The following FLI1 variants were observed in gnomAD, a reference collection of about 807,000 sequenced individuals.
FLI1 encodes the protein Friend leukemia integration 1 transcription factor.
A neutral mutation model predicts 53.1 loss-of-function variants in FLI1; 13 were observed. The observed-to-expected ratio is 0.24, with a 90% CI of 0.16 to 0.39. FLI1 has a LOEUF of 0.39. Ranked by LOEUF, FLI1 falls within the 10% of genes least tolerant of loss-of-function variation. The probability of loss-of-function intolerance (pLI) is 1.00; values close to 1 mark genes in which losing one functional copy is unlikely to be tolerated. For missense variants in FLI1, 424 were observed against 600.5 expected (o/e 0.71, Z 3.07); for synonymous variants, 244 against 236.7 (o/e 1.03, Z -0.28).
chr11:128,793,082 C>T (rs1043195422), intron 5 of FLI1, among the ~76,000 whole-genome samples: 3 of 152,116 alleles, frequency 2.0e-5, no homozygotes, highest in African/African-American at 4.8e-5. Flanking sequence ...TGCACCACTG[C>T]ACTCCAGCCT....
At chr11:128,809,451 G>T (rs1257878035) in intron 8 of FLI1, among the ~76,000 whole-genome samples, 1 of 152,194 alleles carries the variant, frequency 6.6e-6, no homozygotes, top group African/African-American at 2.4e-5. Context: ...TGTGCACTTA[G>T]GTGTAGATGA....
intron 1 of FLI1, among the ~76,000 whole-genome samples, chr11:128,752,383 G>A (rs774284589): frequency 2.6e-5 from 4 of 152,180 alleles, no homozygotes; most frequent in Non-Finnish European, 5.9e-5. Flanking sequence ...ATCAGGTACT[G>A]ATATTATCCC....
At chr11:128,753,428 A>G (rs932718793) in intron 1 of FLI1, among the ~76,000 whole-genome samples, 5 of 152,172 alleles carry the variant, frequency 3.3e-5, no homozygotes, top group Non-Finnish European at 7.4e-5. Flanking sequence ...GGAGAAGCAA[A>G]GTCATGAGAA....
intron 1 of FLI1, among the ~76,000 whole-genome samples, chr11:128,749,235 G>T (rs565744424): frequency 6.6e-6 from 1 of 152,170 alleles, no homozygotes; most frequent in African/African-American, 2.4e-5. Context: ...ATGGGTTTTC[G>T]GTTGCTGAGT....
rs747086030 is a variant in FLI1, at chr11:128,781,993, G to A, written c.625G>A (p.Asp209Asn). The A allele has an allele frequency of 1.3e-5, 21 of 1,613,676 alleles. No individual in the cohort carries two copies. Among genetic ancestry groups the A allele is most frequent in the East Asian group, 2.2e-5 (1 of 44,894 alleles). Reference sequence around the variant, plus strand: ...GGCCTATAATACAACCTCCCACACCGACCAATCCTCACGATTGAGTGTCAA... The same window carrying A: ...GGCCTATAATACAACCTCCCACACCAACCAATCCTCACGATTGAGTGTCAA... The part of the protein sequence containing the change: ...LLAYNTTSHT[D>N]QSSRLSVKED... The change falls in exon 5 of 9, where the codon GAC becomes AAC. Residue 209 changes from aspartate to asparagine, a missense_variant. By Grantham distance (23) the Asp-to-Asn change is conservative. This residue lies in a region of FLI1 where 114 missense variants were observed against 117.9 expected (regional missense o/e 0.97). Transcript: ENST00000527786.
intron 1 of FLI1, among the ~76,000 whole-genome samples, chr11:128,701,679 A>C (rs571242024): frequency 6.6e-6 from 1 of 152,354 alleles, no homozygotes; most frequent in East Asian, 1.9e-4. Flanking sequence ...AGAATTTTTC[A>C]AATCACCTCA....
At chr11:128,806,678 A>G (rs1942791384) in intron 6 of FLI1, 1 of 152,360 alleles carries the variant, frequency 6.6e-6, no homozygotes, top group Non-Finnish European at 1.5e-5. Flanking sequence ...GTGATGCAGA[A>G]GTGATCATGG....
In FLI1 at chr11:128,720,119, G is replaced by T. The variant is rs556305420; in HGVS notation, c.18+25843G>T. On this transcript the variant is annotated intron_variant, in intron 1 of 8. Coordinates refer to ENST00000527786, the MANE Select transcript of FLI1 (RefSeq NM_002017.5). ...TGCCCTTCCTTCCGGTCTTTATAAT[G>T]CAAATATATAGACATATATGTATTA... is the stretch of plus-strand genomic sequence containing the variant. 4.6e-5 allele frequency among the ~76,000 whole-genome samples: 7 copies of T among 152,234 alleles called. No homozygotes were observed. In the South Asian group the frequency reaches 1.0e-3, roughly 23 times the overall value.
rs949980823 is a variant in FLI1 at position 128,721,077 on chromosome 11, T to C, written c.18+26801T>C. Reference sequence around the variant, plus strand: ...TCCAGAGAAGCTTCTGGAGAATCTGTCCTTGCCAACTAGGGGCTGGCAAGT... The same window carrying C: ...TCCAGAGAAGCTTCTGGAGAATCTGCCCTTGCCAACTAGGGGCTGGCAAGT... On this transcript the variant is annotated intron_variant, in intron 1 of 8. Transcript: ENST00000527786. 8.5e-5 allele frequency among the ~76,000 whole-genome samples: 13 copies of C among 152,220 alleles called. No individual in the cohort carries two copies. The East Asian group carries it at 2.5e-3, about 29-fold the overall frequency.
intron 1 of FLI1, among the ~76,000 whole-genome samples, chr11:128,736,514 G>A (rs1033605366): frequency 2.6e-5 from 4 of 152,222 alleles, no homozygotes; most frequent in African/African-American, 7.2e-5. Flanking sequence ...GTAGGAACCT[G>A]GAAAGATTTC....
intron 1 of FLI1, among the ~76,000 whole-genome samples, chr11:128,731,773 C>T (rs538244312): frequency 3.9e-5 from 6 of 151,950 alleles, no homozygotes; most frequent in Non-Finnish European, 7.4e-5. Context: ...GAGGCGGAGG[C>T]GGGCAAATCA....
At position 128,759,673 on chromosome 11, in the gene FLI1, G is replaced by A. The variant is rs112706574; in HGVS notation, c.230+1347G>A. ...TTAAAGGCTGGTGCTGTGAGCAGCC[G>A]CAGAAAGGTGGCACAGGAAATGCTT... is the stretch of plus-strand genomic sequence containing the variant. On this transcript the variant is annotated intron_variant, in intron 2 of 8. Transcript: ENST00000527786. Among the ~76,000 whole-genome samples the A allele has an allele frequency of 6.9e-3, 1,045 of 152,308 alleles. 13 individuals are homozygous for A. The highest frequency in any genetic ancestry group is 0.023 in the African/African-American group (976 of 41,552).
At chr11:128,777,817 G>C (rs893459563) in intron 4 of FLI1, among the ~76,000 whole-genome samples, 1 of 150,324 alleles carries the variant, frequency 6.7e-6, no homozygotes, top group Non-Finnish European at 1.5e-5. Context: ...AGGAGACAAA[G>C]GCTTTGGCAC....
At chr11:128,689,978 C>T (rs1024745243), upstream of FLI1, among the ~76,000 whole-genome samples, 4 of 152,228 alleles carry the variant, frequency 2.6e-5, no homozygotes, top group Admixed American at 6.5e-5. Flanking sequence ...TTCCTTCACT[C>T]TGTGAGTAGA....
intron 1 of FLI1, among the ~76,000 whole-genome samples, chr11:128,745,553 G>A (rs1276315186): frequency 6.6e-6 from 1 of 152,206 alleles, no homozygotes; most frequent in Non-Finnish European, 1.5e-5. Flanking sequence ...TGGGCCTGAG[G>A]TCACCAAGCA....
chr11:128,785,561 T>C (rs1382111313), intron 5 of FLI1, among the ~76,000 whole-genome samples: 1 of 152,188 alleles, frequency 6.6e-6, no homozygotes, highest in Non-Finnish European at 1.5e-5. Flanking sequence ...TAAATGTAAC[T>C]TGGGCAAAGA....
At chr11:128,789,573 C>A (rs149491675) in intron 5 of FLI1, among the ~76,000 whole-genome samples, 78 of 152,332 alleles carry the variant, frequency 5.1e-4, no homozygotes, top group African/African-American at 1.9e-3. Flanking sequence ...TGCCTTATTT[C>A]TCCGGGCGAA....
At chr11:128,744,670 C>G (rs1252463105) in intron 1 of FLI1, among the ~76,000 whole-genome samples, 3 of 152,176 alleles carry the variant, frequency 2.0e-5, no homozygotes, top group East Asian at 3.9e-4. Context: ...CCCCCTCAAC[C>G]CTCACATCAA....
chr11:128,686,702 G>A lies in FLI1; in HGVS notation c.-203+1G>A, dbSNP rs1591717700. 2.9e-6 allele frequency: 1 copy of A among 341,976 alleles called. No homozygotes were observed. Among genetic ancestry groups the A allele is most frequent in the South Asian group, 2.2e-5 (1 of 45,822 alleles). The allele number at this position is 341,976 out of a possible 1,614,324, so 21.2% of individuals were successfully genotyped here. ...CCCCGACACGTCGTCTTACATCAAG[G>A]TAAGACATGGCAGCGTCTTTAAACA... On this transcript the variant is annotated splice_donor_variant, in intron 1 of 6. Transcript: ENST00000344954. LOFTEE classifies it low-confidence loss of function (5UTR_SPLICE).
Sources: allele counts gnomAD v4.1 joint callset (sites outside exome capture counted in the v4.1 genomes callset), GRCh38; gene constraint gnomAD v4.1.1; regional missense constraint gnomAD v4.1.1; transcripts MANE v1.5; gene names NCBI Gene and HGNC (gene_info 2026-07-23, HGNC 2026-07-21).